Variants in KANK1 observed in about 807,000 individuals in gnomAD.
KANK1 encodes the protein KN motif and ankyrin repeat domain-containing protein 1.
Under a neutral mutation model 106.2 loss-of-function variants are expected in KANK1, and 109 were observed. That is an observed-to-expected ratio of 1.03 (90% confidence interval 0.88 to 1.20). The LOEUF (loss-of-function observed/expected upper bound fraction) is 1.20. Among genes scored for constraint, KANK1 ranks in the 50% most tolerant of loss-of-function variants. KANK1 has a pLI of 0.00. For missense variants in KANK1, 2,399 were observed against 1,710.7 expected (o/e 1.40, Z -7.10); for synonymous variants, 873 against 652.2 (o/e 1.34, Z -5.16).
At chr9:658,967 A>T (rs1346844419) in intron 1 of KANK1, among the ~76,000 whole-genome samples, 1 of 152,160 alleles carries the variant, frequency 6.6e-6, no homozygotes, top group East Asian at 1.9e-4. Flanking sequence ...CCTCAACTTC[A>T]GTCCTAAGGA....
chr9:628,208 G>T (rs1834819659), intron 1 of KANK1, among the ~76,000 whole-genome samples: 1 of 152,156 alleles, frequency 6.6e-6, no homozygotes, highest in Non-Finnish European at 1.5e-5. Flanking sequence ...CTAAGCCTCA[G>T]CCTGCTCGTC....
At chr9:680,159 A>T (rs531614562) in intron 2 of KANK1, among the ~76,000 whole-genome samples, 29 of 151,118 alleles carry the variant, frequency 1.9e-4, no homozygotes, top group African/African-American at 6.7e-4. Context: ...TTCATAGAGC[A>T]TGAGGGGAAA....
At chr9:617,113 AT>A (rs548735206) in intron 1 of KANK1, among the ~76,000 whole-genome samples, 5 of 151,264 alleles carry the variant, frequency 3.3e-5, no homozygotes, top group East Asian at 1.9e-4. Flanking sequence ...AGTTAGGTCG[AT>A]TTTTTTTTCA....
chr9:648,198 G>C (rs911371877), intron 1 of KANK1, among the ~76,000 whole-genome samples: 1 of 150,922 alleles, frequency 6.6e-6, no homozygotes, highest in African/African-American at 2.5e-5. Context: ...GAGACGGGGT[G>C]TCATCATGTT....
intron 1 of KANK1, among the ~76,000 whole-genome samples, chr9:662,360 C>T (rs1339779269): frequency 2.6e-5 from 4 of 152,144 alleles, no homozygotes; most frequent in African/African-American, 9.7e-5. Flanking sequence ...AAAGAGCCCG[C>T]ATTGCCAAGA....
At chr9:669,898 G>C (rs1830036585) in intron 1 of KANK1, among the ~76,000 whole-genome samples, 1 of 151,778 alleles carries the variant, frequency 6.6e-6, no homozygotes, top group South Asian at 2.1e-4. Context: ...ATATCTTGTA[G>C]GCAATCTTTG....
At chr9:576,351 C>G (rs554903823) in intron 1 of KANK1, among the ~76,000 whole-genome samples, 9 of 152,262 alleles carry the variant, frequency 5.9e-5, no homozygotes, top group Admixed American at 2.6e-4. Context: ...CTTGAAGGCC[C>G]AGCATAGACA....
At position 536,264 on chromosome 9, in the gene KANK1, C is replaced by T. The variant is rs147752401; in HGVS notation, c.-84+31510C>T. Among the ~76,000 whole-genome samples the T allele has an allele frequency of 3.6e-3, 550 of 152,284 alleles. 1 individual carries two copies. The highest frequency in any genetic ancestry group is 0.012 in the African/African-American group (519 of 41,550). ...GCTGAGGCAAGAGAATCACTTGAAACCCAGGAGGCAGAGTTTGCAGTGAGC... is the reference window on the plus strand; with the variant it reads ...GCTGAGGCAAGAGAATCACTTGAAATCCAGGAGGCAGAGTTTGCAGTGAGC... On this transcript the variant is annotated intron_variant, in intron 1 of 11. Coordinates refer to ENST00000382297, the MANE Select transcript of KANK1 (RefSeq NM_015158.5).
Position 712,419 on chromosome 9 carries a change from C to G in KANK1, c.1653C>G (p.Cys551Trp), listed in dbSNP as rs116768515. The change falls in exon 3 of 12, where the codon TGC (cysteine) becomes TGG (tryptophan). Residue 551 changes from cysteine (C) to tryptophan (W), a missense_variant. Physicochemically the swap from Cys to Trp is radical, Grantham distance 215. Coordinates refer to ENST00000382297, the MANE Select transcript of KANK1 (RefSeq NM_015158.5). ...SVETNSVGIS[C>W]QPECKNKVVG... is the part of the protein sequence containing the mutation. ...AAACAAACAGTGTAGGCATCTCCTG[C>G]CAGCCTGAATGTAAGAATAAAGTCG... 39 of 1,614,006 alleles carry G rather than the reference C, an allele frequency of 2.4e-5. No homozygotes were observed. The highest frequency in any genetic ancestry group is 3.1e-5 in the Non-Finnish European group (36 of 1,180,048).
intron 1 of KANK1, among the ~76,000 whole-genome samples, chr9:588,250 G>A (rs1823995888): frequency 6.6e-6 from 1 of 152,028 alleles, no homozygotes; most frequent in South Asian, 2.1e-4. Context: ...TTAAATGACA[G>A]CATAGTATTC....
chr9:603,125 A>G (rs2804296), intron 1 of KANK1, among the ~76,000 whole-genome samples: 55,590 of 151,670 alleles, frequency 0.37, 12,581 homozygotes, highest in South Asian at 0.56. Context: ...GATTTATATC[A>G]GGATTTGAAA....
intron 2 of KANK1, among the ~76,000 whole-genome samples, chr9:689,731 G>A (rs1312858008): frequency 6.7e-6 from 1 of 148,888 alleles, no homozygotes; most frequent in Non-Finnish European, 1.5e-5. Flanking sequence ...AGCACCTAAG[G>A]GGAGGGGTCG....
chr9:742,482 C>T, intron 10 of KANK1, 77 bp downstream of exon 10: 2 of 1,117,574 alleles, frequency 1.8e-6, no homozygotes, highest in Non-Finnish European at 2.6e-6. Flanking sequence ...GCCTTTTGGC[C>T]AGGAGCGACC....
At chr9:740,473 T>C (rs1471458913) in intron 8 of KANK1, among the ~76,000 whole-genome samples, 1 of 152,200 alleles carries the variant, frequency 6.6e-6, no homozygotes, top group Admixed American at 6.5e-5. Flanking sequence ...CCAAAAATCG[T>C]TTATTCTCAA....
chr9:606,286 G>T (rs1829128174), intron 1 of KANK1, among the ~76,000 whole-genome samples: 1 of 149,214 alleles, frequency 6.7e-6, no homozygotes, highest in Non-Finnish European at 1.5e-5. Context: ...GGTGGGGGCG[G>T]TGGCTCACAC....
intron 3 of KANK1, chr9:495,614 C>G (rs2058447059): frequency 6.6e-6 from 1 of 152,140 alleles, no homozygotes; most frequent in Non-Finnish European, 1.5e-5. Flanking sequence ...AAAACTTCAT[C>G]AGGTCATGAG....
In KANK1 at chr9:745,099, T is replaced by G; in HGVS notation, c.3997-74T>G. Reference sequence around the variant, plus strand: ...GCTTGTTGCCTGTGGTGGGCCAAGATCCTATGTCACAGGGTACACATCTGC... The same window carrying G: ...GCTTGTTGCCTGTGGTGGGCCAAGAGCCTATGTCACAGGGTACACATCTGC... On this transcript the variant is annotated intron_variant, in intron 11 of 11. Coordinates refer to ENST00000382297, the MANE Select transcript of KANK1 (RefSeq NM_015158.5). 4.4e-6 allele frequency: 7 copies of G among 1,573,358 alleles called. 1 individual carries two copies. The South Asian group carries it at 6.0e-5, about 14-fold the overall frequency.
intron 1 of KANK1, among the ~76,000 whole-genome samples, chr9:520,673 T>C (rs1201295814): frequency 6.6e-6 from 1 of 151,832 alleles, no homozygotes; most frequent in Non-Finnish European, 1.5e-5. Flanking sequence ...ATCTGCACTT[T>C]GGGTTTTATT....
chr9:647,276 A>C (rs935851120), intron 1 of KANK1, among the ~76,000 whole-genome samples: 1 of 57,804 alleles, frequency 1.7e-5, no homozygotes, highest in South Asian at 3.6e-4. Context: ...TAATTTTCTA[A>C]TTATGACTAG....
Sources: allele counts gnomAD v4.1 joint callset (sites outside exome capture counted in the v4.1 genomes callset), GRCh38; gene constraint gnomAD v4.1.1; transcripts MANE v1.5; gene names NCBI Gene and HGNC (gene_info 2026-07-23, HGNC 2026-07-21).